Variants in FOXN2 observed in about 807,000 individuals in gnomAD.
FOXN2 encodes the protein forkhead box N2.
Under a neutral mutation model 41.2 loss-of-function variants are expected in FOXN2, and 19 were observed. The observed-to-expected ratio is 0.46, with a 90% CI of 0.32 to 0.68. The LOEUF (loss-of-function observed/expected upper bound fraction) is 0.68, where lower values mean the gene tolerates loss of function less well. Among genes scored for constraint, FOXN2 ranks in the 30% least tolerant of loss-of-function variants. FOXN2 has a pLI of 0.03. For synonymous variants in FOXN2, 195 were observed against 176.8 expected (o/e 1.10, Z -0.82); for missense variants, 587 against 509.4 (o/e 1.15, Z -1.47).
At position 48,379,055 on chromosome 2, in the gene FOXN2, C is replaced by T. The variant is rs1193897166; in HGVS notation, c.*3612C>T. 1.3e-5 allele frequency: 2 copies of T among 152,442 alleles called. No homozygotes were observed. The highest frequency in any genetic ancestry group is 2.4e-5 in the African/African-American group (1 of 41,368). The allele number at this position is 152,442 out of a possible 1,614,324, so 9.4% of individuals were successfully genotyped here. On this transcript the variant is annotated 3_prime_UTR_variant, in exon 7 of 7. Transcript: ENST00000340553. ...ATTTGTTATCAAACTGTTTCCTTAT[C>T]CTCTTTTCTGATGTAGCATAAAAAT...
chr2:48,371,599 T>C (rs1398421531), intron 5 of FOXN2, among the ~76,000 whole-genome samples: 4 of 152,210 alleles, frequency 2.6e-5, no homozygotes, highest in Non-Finnish European at 2.9e-5. Context: ...TGGGGTCTTT[T>C]GTAGTTCCAT....
chr2:48,355,423 A>G (rs902514794), intron 3 of FOXN2, among the ~76,000 whole-genome samples: 6 of 152,212 alleles, frequency 3.9e-5, no homozygotes, highest in Non-Finnish European at 7.4e-5. Flanking sequence ...TTAGCAAGCT[A>G]TCACCACGAG....
At chr2:48,332,942 A>G (rs538845708) in intron 2 of FOXN2, among the ~76,000 whole-genome samples, 26 of 152,290 alleles carry the variant, frequency 1.7e-4, no homozygotes, top group Non-Finnish European at 3.5e-4. Context: ...CCTTTGGTTC[A>G]CTGTCTCCAG....
intron 3 of FOXN2, among the ~76,000 whole-genome samples, chr2:48,351,096 G>T (rs1350967852): frequency 6.6e-6 from 1 of 151,212 alleles, no homozygotes; most frequent in Non-Finnish European, 1.5e-5. Flanking sequence ...GAGTAGCTGG[G>T]ACTGTAGGCA....
intron 2 of FOXN2, among the ~76,000 whole-genome samples, chr2:48,341,796 G>C (rs534722297): frequency 9.2e-5 from 14 of 152,264 alleles, no homozygotes; most frequent in African/African-American, 3.4e-4. Flanking sequence ...TTGTTGTTTG[G>C]TAGTACAAAA....
chr2:48,344,275 A>G (rs1005084420), intron 2 of FOXN2, among the ~76,000 whole-genome samples: 2 of 152,154 alleles, frequency 1.3e-5, no homozygotes, highest in African/African-American at 4.8e-5. Context: ...TTATCGTTTG[A>G]TCTTTTCCTT....
At chr2:48,351,557 A>G (rs1247522136) in intron 3 of FOXN2, among the ~76,000 whole-genome samples, 1 of 152,072 alleles carries the variant, frequency 6.6e-6, no homozygotes, top group Non-Finnish European at 1.5e-5. Context: ...GGGACATGGG[A>G]TATGGTTTTG....
chr2:48,321,068 T>C (rs1669282544), intron 1 of FOXN2, among the ~76,000 whole-genome samples: 1 of 152,172 alleles, frequency 6.6e-6, no homozygotes, highest in Non-Finnish European at 1.5e-5. Flanking sequence ...TAGTACAGCA[T>C]CTACTATATT....
At chr2:48,315,315 G>T (rs1398720723) in intron 1 of FOXN2, among the ~76,000 whole-genome samples, 1 of 152,224 alleles carries the variant, frequency 6.6e-6, no homozygotes, top group African/African-American at 2.4e-5. Flanking sequence ...TCCGGCCCCA[G>T]TTGGGACTGG....
At chr2:48,360,664 T>A (rs1672112802) in intron 4 of FOXN2, among the ~76,000 whole-genome samples, 1 of 152,210 alleles carries the variant, frequency 6.6e-6, no homozygotes, top group African/African-American at 2.4e-5. Context: ...GATTTTATAT[T>A]CTTACTTGGA....
intron 1 of FOXN2, among the ~76,000 whole-genome samples, chr2:48,317,009 A>G (rs911007283): frequency 2.0e-5 from 3 of 152,222 alleles, no homozygotes; most frequent in African/African-American, 7.2e-5. Flanking sequence ...ACAATTGAGA[A>G]ATGAGTATAT....
In FOXN2 at chr2:48,375,519, G is replaced by A; in HGVS notation, c.*76G>A. 7.3e-7 allele frequency: 1 copy of A among 1,374,500 alleles called. No individual in the cohort carries two copies. Among genetic ancestry groups the A allele is most frequent in the East Asian group, 2.4e-5 (1 of 41,618 alleles). 85.1% of individuals were successfully genotyped at this position (1,374,500 alleles called of 1,614,324 possible). ...ATCAAAGCCATAATGGACTTCATTA[G>A]TTTTAGGGTAGGGAAGGGATACTAA... On this transcript the variant is annotated 3_prime_UTR_variant, in exon 7 of 7. Transcript: ENST00000340553.
At chr2:48,355,156 C>G (rs564404611) in intron 3 of FOXN2, among the ~76,000 whole-genome samples, 2 of 152,176 alleles carry the variant, frequency 1.3e-5, no homozygotes, top group South Asian at 4.2e-4. Flanking sequence ...AACCATATGT[C>G]CAATAGTATG....
intron 3 of FOXN2, among the ~76,000 whole-genome samples, chr2:48,352,906 C>A (rs981545141): frequency 6.6e-6 from 1 of 152,108 alleles, no homozygotes; most frequent in Non-Finnish European, 1.5e-5. Context: ...CCTATAAATA[C>A]CTACAAGTTG....
At chr2:48,357,360 G>T (rs566523363) in intron 3 of FOXN2, among the ~76,000 whole-genome samples, 1 of 152,230 alleles carries the variant, frequency 6.6e-6, no homozygotes, top group South Asian at 2.1e-4. Context: ...GTAATCTCAG[G>T]AATTCCAAGG....
intron 2 of FOXN2, among the ~76,000 whole-genome samples, chr2:48,343,084 A>G (rs1450166126): frequency 1.3e-5 from 2 of 152,214 alleles, no homozygotes; most frequent in Non-Finnish European, 2.9e-5. Flanking sequence ...TGTTTTAAGT[A>G]GTATTGATAA....
At chr2:48,358,279 T>C (rs1035908802) in intron 3 of FOXN2, among the ~76,000 whole-genome samples, 2 of 151,866 alleles carry the variant, frequency 1.3e-5, no homozygotes, top group African/African-American at 2.4e-5. Context: ...AGTTTCAGAA[T>C]GGCCCCTTAA....
intron 3 of FOXN2, among the ~76,000 whole-genome samples, chr2:48,349,248 G>C (rs1021218581): frequency 2.6e-5 from 4 of 152,112 alleles, no homozygotes; most frequent in African/African-American, 9.7e-5. Flanking sequence ...CACTTTGGGA[G>C]GCTGAGACAG....
chr2:48,358,836 C>T (rs1440680411), intron 3 of FOXN2, among the ~76,000 whole-genome samples: 2 of 152,056 alleles, frequency 1.3e-5, no homozygotes, highest in African/African-American at 2.4e-5. Flanking sequence ...ATTTGAACCT[C>T]ACTAATCTTG....
Sources: gnomAD v4.1 joint callset for allele counts (sites outside exome capture counted in the v4.1 genomes callset) on GRCh38, gnomAD v4.1.1 for gene constraint, MANE v1.5 for transcripts, NCBI Gene and HGNC (gene_info 2026-07-23, HGNC 2026-07-21) for gene names.